MTTP: variants seen among roughly 807,000 people sequenced by gnomAD.
MTTP encodes microsomal triglyceride transfer protein, also known as microsomal triglyceride transfer protein large subunit.
A neutral mutation model predicts 90.6 loss-of-function variants in MTTP; 49 were observed. That is an observed-to-expected ratio of 0.54 (90% confidence interval 0.43 to 0.69). MTTP has a LOEUF of 0.69. MTTP is among the 30% of genes least tolerant of loss of function. MTTP has a pLI of 0.00. For synonymous variants in MTTP, 347 were observed against 384.2 expected (o/e 0.90, Z 1.13); for missense variants, 945 against 1,067.5 (o/e 0.89, Z 1.60).
chr4:99,609,115 T>C (rs1396185256), intron 12 of MTTP, 138 bp downstream of exon 12: 55 of 837,966 alleles, frequency 6.6e-5, no homozygotes, highest in Non-Finnish European at 1.0e-4. Context: ...AGATTTCCCA[T>C]AATAGGGCTA....
chr4:99,568,424 A>G (rs1414770812), intron 1 of MTTP, among the ~76,000 whole-genome samples: 1 of 152,220 alleles, frequency 6.6e-6, no homozygotes, highest in Non-Finnish European at 1.5e-5. Context: ...AAATAGGTAT[A>G]AATCTAAAAA....
At chr4:99,564,991 C>T (rs149580099) in intron 1 of MTTP, among the ~76,000 whole-genome samples, 1 of 152,154 alleles carries the variant, frequency 6.6e-6, no homozygotes, top group Non-Finnish European at 1.5e-5. Flanking sequence ...CTGTTTCTTC[C>T]TCATCTCAAA....
chr4:99,605,413 T>C (rs1054213835), intron 10 of MTTP, among the ~76,000 whole-genome samples: 2 of 152,216 alleles, frequency 1.3e-5, no homozygotes, highest in African/African-American at 2.4e-5. Flanking sequence ...ATCTTTTTCA[T>C]TCCTTTTGAC....
At chr4:99,606,670 C>T in intron 10 of MTTP, 78 bp from the exon 11 acceptor site, 1 of 1,449,950 alleles carries the variant, frequency 6.9e-7, no homozygotes, top group Admixed American at 1.7e-5. Context: ...CTTTCTTGGA[C>T]CCAAGAATAA....
chr4:99,608,384 G>A (rs1319516352), intron 11 of MTTP, among the ~76,000 whole-genome samples: 1 of 152,204 alleles, frequency 6.6e-6, no homozygotes, highest in Non-Finnish European at 1.5e-5. Context: ...AGCGGAGGTT[G>A]CAGTGAGCCG....
chr4:99,609,398 T>G (rs1210865291), intron 12 of MTTP, among the ~76,000 whole-genome samples: 1 of 152,222 alleles, frequency 6.6e-6, no homozygotes, highest in East Asian at 1.9e-4. Flanking sequence ...CCATTTAAGT[T>G]TAAAATCTTA....
At chr4:99,589,878 G>A (rs542903699) in intron 4 of MTTP, 128 bp downstream of exon 4, 42 of 691,460 alleles carry the variant, frequency 6.1e-5, no homozygotes, top group Middle Eastern at 3.7e-4. Flanking sequence ...TAGTGAAGTC[G>A]CATTTGCCTA....
chr4:99,568,787 A>T (rs1374945506), intron 1 of MTTP, among the ~76,000 whole-genome samples: 3 of 152,196 alleles, frequency 2.0e-5, no homozygotes, highest in Non-Finnish European at 4.4e-5. Flanking sequence ...AGGAACTCCC[A>T]GTGGCTAAAG....
intron 1 of MTTP, among the ~76,000 whole-genome samples, chr4:99,580,588 A>T (rs1337224736): frequency 6.7e-6 from 1 of 149,762 alleles, no homozygotes; most frequent in African/African-American, 2.5e-5. Context: ...AAAAAAAAAA[A>T]AAAAAAAAAA....
upstream of MTTP, chr4:99,570,552 G>C: frequency 2.7e-6 from 1 of 365,536 alleles, no homozygotes; most frequent in South Asian, 2.1e-5. Flanking sequence ...CTGTGGATTG[G>C]TATCTGTGAT....
intron 8 of MTTP, among the ~76,000 whole-genome samples, chr4:99,598,907 C>A (rs1467336139): frequency 1.3e-5 from 2 of 152,138 alleles, no homozygotes; most frequent in African/African-American, 2.4e-5. Context: ...AGGTGATCCA[C>A]CCGCCTCGGC....
chr4:99,612,895 T>C lies in MTTP; in HGVS notation c.1990-18T>C, dbSNP rs1725995109. On this transcript the variant is annotated intron_variant, in intron 14 of 17. Coordinates refer to ENST00000265517, the MANE Select transcript of MTTP (RefSeq NM_001386140.1). ...GGCAGGGAGCTTGCGTCATGAACAT[T>C]ATATTGATTTTATCCAGGTGGTTAT... The C allele has an allele frequency of 6.2e-7, 1 of 1,605,384 alleles. No individual in the cohort carries two copies. Among genetic ancestry groups the C allele is most frequent in the African/African-American group, 1.3e-5 (1 of 74,784 alleles).
At chr4:99,582,463 A>T (rs568798277) in intron 2 of MTTP, among the ~76,000 whole-genome samples, 1 of 152,326 alleles carries the variant, frequency 6.6e-6, no homozygotes, top group African/African-American at 2.4e-5. Context: ...GAGATCAGTT[A>T]GGAGGTTCCT....
intron 3 of MTTP, among the ~76,000 whole-genome samples, chr4:99,585,103 G>A (rs1725226065): frequency 2.0e-5 from 3 of 152,078 alleles, no homozygotes; most frequent in Admixed American, 2.0e-4. Context: ...CTAAAATAAA[G>A]GATAAACAAA....
chr4:99,622,746 C>A lies in MTTP; in HGVS notation c.2583C>A (p.Ser861Arg). The change falls in exon 18 of 18, where the codon AGC (serine) becomes AGA (arginine). Residue 861 changes from serine to arginine, a missense_variant. Ser to Arg is a moderately radical substitution (Grantham distance 110). Transcript: ENST00000265517. ...ATGTCTCTCAGAAAAGAAAAGAAAG[C>A]GTATTAGCAGGATGTGAATTCCCGC... ...RGYVSQKRKE[S>R]VLAGCEFPLH... 3 of 1,614,020 alleles carry A rather than the reference C, an allele frequency of 1.9e-6. No homozygotes were observed. Among genetic ancestry groups the A allele is most frequent in the Non-Finnish European group, 2.5e-6 (3 of 1,179,936 alleles).
Position 99,622,878 on chromosome 4 carries a change from G to T in MTTP, c.*30G>T, listed in dbSNP as rs1726276347. On this transcript the variant is annotated 3_prime_UTR_variant, in exon 18 of 18. Transcript: ENST00000265517. ...GACCTGTGATATTTTACTTGAATTT[G>T]TCTCCCCGAAAGGGACACAATGTGG... 1.9e-6 allele frequency: 3 copies of T among 1,608,644 alleles called. No homozygotes were observed. Among genetic ancestry groups the T allele is most frequent in the South Asian group, 1.1e-5 (1 of 90,978 alleles).
intron 15 of MTTP, 69 bp from the exon 16 acceptor site, chr4:99,618,905 C>T (rs1726163190): frequency 6.3e-7 from 1 of 1,578,002 alleles, no homozygotes; most frequent in Admixed American, 1.7e-5. Context: ...TCAAATGTGC[C>T]ATTGGAAAGG....
At chr4:99,607,794 C>T (rs113005789) in intron 11 of MTTP, among the ~76,000 whole-genome samples, 3,529 of 152,118 alleles carry the variant, frequency 0.023, 107 homozygotes, top group Middle Eastern at 0.1. Flanking sequence ...AACCTACAGA[C>T]TTTGGGTAAT....
At position 99,622,705 on chromosome 4, in the gene MTTP, T is replaced by C. The variant is rs1331124715; in HGVS notation, c.2542T>C (p.Ser848Pro). The C allele has an allele frequency of 1.2e-6, 2 of 1,614,050 alleles. No individual in the cohort carries two copies. The highest frequency in any genetic ancestry group is 2.2e-5 in the East Asian group (1 of 44,870). ...ATTTGAGAAAAAGTACGAAAGGCTGTCCACAGGCAGAGGTTATGTCTCTCA... is the reference window on the plus strand; with the variant it reads ...ATTTGAGAAAAAGTACGAAAGGCTGCCCACAGGCAGAGGTTATGTCTCTCA... ...RQFEKKYERL[S>P]TGRGYVSQKR... The change falls in exon 18 of 18, where the codon TCC becomes CCC. Residue 848 changes from serine to proline, a missense_variant. Coordinates refer to ENST00000265517, the MANE Select transcript of MTTP (RefSeq NM_001386140.1).
Sources: gnomAD v4.1 joint callset for allele counts (sites outside exome capture counted in the v4.1 genomes callset) on GRCh38, gnomAD v4.1.1 for gene constraint, MANE v1.5 for transcripts, NCBI Gene and HGNC (gene_info 2026-07-23, HGNC 2026-07-21) for gene names.